SUMF1: variants seen among roughly 807,000 people sequenced by gnomAD.
SUMF1 encodes the protein sulfatase modifying factor 1, also known as formylglycine-generating enzyme.
Under a neutral mutation model 47.6 loss-of-function variants are expected in SUMF1, and 48 were observed. That is an observed-to-expected ratio of 1.01 (90% CI 0.80 to 1.28). SUMF1 has a LOEUF of 1.28. SUMF1 is among the 50% of genes most tolerant of loss of function. The pLI, the probability that SUMF1 is intolerant of heterozygous loss-of-function variation, is 0.00. For synonymous variants in SUMF1, 230 were observed against 192.1 expected, an observed-to-expected ratio of 1.20 and a Z score of -1.63; for missense variants, 571 against 485.4, an observed-to-expected ratio of 1.18 and a Z score of -1.66.
chr3:4,152,002 G>T (rs1694347551), intron 8 of SUMF1, among the ~76,000 whole-genome samples: 1 of 151,562 alleles, frequency 6.6e-6, no homozygotes, highest in South Asian at 2.1e-4. Context: ...TTCAGTTCAA[G>T]TATTAATATG....
chr3:4,035,776 G>A (rs78218427), intron 9 of SUMF1, among the ~76,000 whole-genome samples: 2,089 of 152,222 alleles, frequency 0.014, 38 homozygotes, highest in African/African-American at 0.044. Context: ...GTGAGGATTC[G>A]AATAATGTCT....
chr3:4,140,957 T>C (rs191629937), intron 8 of SUMF1, among the ~76,000 whole-genome samples: 1 of 152,146 alleles, frequency 6.6e-6, no homozygotes, highest in African/African-American at 2.4e-5. Flanking sequence ...CCCTGAAAAA[T>C]AGAAAAAGCT....
intron 7 of SUMF1, among the ~76,000 whole-genome samples, chr3:4,395,558 G>A (rs1014218788): frequency 6.6e-6 from 1 of 152,086 alleles, no homozygotes; most frequent in Non-Finnish European, 1.5e-5. Context: ...AAAGAAGAGC[G>A]CAGTAAAACA....
intron 8 of SUMF1, among the ~76,000 whole-genome samples, chr3:4,297,126 T>C (rs377560078): frequency 2.2e-4 from 34 of 152,156 alleles, no homozygotes; most frequent in African/African-American, 7.5e-4. Context: ...TTGTCCTAGA[T>C]TGAAAAAGGT....
At chr3:4,237,844 A>G (rs1258436374) in intron 8 of SUMF1, among the ~76,000 whole-genome samples, 3 of 152,164 alleles carry the variant, frequency 2.0e-5, no homozygotes, top group Non-Finnish European at 2.9e-5. Context: ...TGTTTGTTAC[A>G]TAGGTATACA....
chr3:4,283,571 G>A (rs1282831262), intron 8 of SUMF1, among the ~76,000 whole-genome samples: 6 of 152,146 alleles, frequency 3.9e-5, no homozygotes, highest in African/African-American at 1.2e-4. Context: ...AGGGATCAGT[G>A]CATGCCTTAT....
At chr3:4,068,189 T>C (rs1302557247) in intron 9 of SUMF1, among the ~76,000 whole-genome samples, 1 of 152,150 alleles carries the variant, frequency 6.6e-6, no homozygotes, top group Non-Finnish European at 1.5e-5. Context: ...TTCCCTCCTG[T>C]GGTCATTAAA....
chr3:4,087,628 A>G (rs1258497781), intron 8 of SUMF1, among the ~76,000 whole-genome samples: 1 of 152,096 alleles, frequency 6.6e-6, no homozygotes, highest in Non-Finnish European at 1.5e-5. Flanking sequence ...GGCTTCATAG[A>G]AGACAGTAGG....
At chr3:4,130,782 G>T (rs765901355) in intron 8 of SUMF1, among the ~76,000 whole-genome samples, 1 of 152,276 alleles carries the variant, frequency 6.6e-6, no homozygotes, top group South Asian at 2.1e-4. Flanking sequence ...TCAATTAGGT[G>T]TATCACTCTG....
chr3:4,223,846 T>C (rs190833715), intron 8 of SUMF1, among the ~76,000 whole-genome samples: 11 of 152,226 alleles, frequency 7.2e-5, no homozygotes, highest in Non-Finnish European at 1.3e-4. Context: ...TGACTAAAAA[T>C]TGCTCATCTG....
chr3:4,127,299 T>C (rs535313884), intron 8 of SUMF1, among the ~76,000 whole-genome samples: 1 of 152,160 alleles, frequency 6.6e-6, no homozygotes, highest in African/African-American at 2.4e-5. Context: ...GTTGTGGTGG[T>C]TAATATTGGG....
intron 7 of SUMF1, among the ~76,000 whole-genome samples, chr3:4,396,045 C>G (rs1410866411): frequency 6.6e-6 from 1 of 152,198 alleles, no homozygotes; most frequent in Non-Finnish European, 1.5e-5. Flanking sequence ...AAAGGTGGAA[C>G]TATTAACACT....
chr3:4,288,270 C>T (rs1356204322), intron 8 of SUMF1, among the ~76,000 whole-genome samples: 1 of 152,158 alleles, frequency 6.6e-6, no homozygotes, highest in Non-Finnish European at 1.5e-5. Flanking sequence ...AAAAACTATG[C>T]ATGGACAGAA....
chr3:4,376,422 A>G (rs1437318578), intron 7 of SUMF1, 33 bp from the exon 8 acceptor site: 1 of 1,611,432 alleles, frequency 6.2e-7, no homozygotes. Flanking sequence ...ATGTTAGACC[A>G]GAAGGCAAAG....
intron 8 of SUMF1, among the ~76,000 whole-genome samples, chr3:4,155,773 CTCT>C (rs1333854877): frequency 9.3e-5 from 14 of 151,284 alleles, no homozygotes; most frequent in Admixed American, 6.6e-5. Flanking sequence ...ATCCCTGAAC[CTCT>C]TCTTCTTGTA....
intron 8 of SUMF1, among the ~76,000 whole-genome samples, chr3:4,142,759 G>A (rs1376766096): frequency 2.0e-5 from 3 of 150,336 alleles, no homozygotes; most frequent in Non-Finnish European, 4.4e-5. Context: ...TTCCCTCACA[G>A]CCCTCACACA....
rs3075699 is a variant in SUMF1 at position 4,373,463 on chromosome 3, G to GA, written c.1014+2866dup. ...TTAAAAAATTAGGCCTACAGTAAAA[G>GA]AAAAAAAAAATGGGCATACTGGCTC... On this transcript the variant is annotated intron_variant, in intron 8 of 8. Coordinates refer to ENST00000272902, the MANE Select transcript of SUMF1 (RefSeq NM_182760.4). 4.0e-3 allele frequency among the ~76,000 whole-genome samples: 598 copies of GA among 149,812 alleles called. 2 individuals are homozygous for GA. Among genetic ancestry groups the GA allele is most frequent in the African/African-American group, 0.012 (478 of 40,874 alleles).
rs867285598 is a variant in SUMF1, at chr3:4,254,748, C to A, written c.1014+121582G>T. 7.6e-3 allele frequency among the ~76,000 whole-genome samples: 1,137 copies of A among 148,934 alleles called. 7 individuals are homozygous for A. Among genetic ancestry groups the A allele is most frequent in the Middle Eastern group, 0.027 (8 of 292 alleles). On this transcript the variant is annotated intron_variant and NMD_transcript_variant, in intron 8 of 12. Transcript: ENST00000448413. ...AGCAAGGCAGGCCAACGTTCAGATTCAGGAAATACAGAGAACGCCACAAAG... is the reference window on the plus strand; with the variant it reads ...AGCAAGGCAGGCCAACGTTCAGATTAAGGAAATACAGAGAACGCCACAAAG...
chr3:4,209,470 C>G (rs1695732296), intron 8 of SUMF1, among the ~76,000 whole-genome samples: 1 of 152,048 alleles, frequency 6.6e-6, no homozygotes, highest in African/African-American at 2.4e-5. Flanking sequence ...CTTCTAAGAT[C>G]CTTCCAGTAT....
Sources: allele counts gnomAD v4.1 joint callset (sites outside exome capture counted in the v4.1 genomes callset), GRCh38; gene constraint gnomAD v4.1.1; transcripts MANE v1.5; gene names NCBI Gene and HGNC (gene_info 2026-07-23, HGNC 2026-07-21).